The following B3GALNT2 variants were observed in gnomAD, a reference collection of about 807,000 sequenced individuals.
B3GALNT2 encodes the protein UDP-GalNAc:beta-1,3-N-acetylgalactosaminyltransferase 2.
In B3GALNT2, 53 loss-of-function variants were observed where a neutral mutation model predicts 61.1. The observed-to-expected ratio is 0.87, with a 90% CI of 0.70 to 1.09. B3GALNT2 has a LOEUF of 1.09. Ranked by LOEUF, B3GALNT2 falls within the 50% of genes least tolerant of loss-of-function variation. The probability of loss-of-function intolerance (pLI) is 0.00; values close to 1 mark genes in which losing one functional copy is unlikely to be tolerated. For missense variants in B3GALNT2, 544 were observed against 623.0 expected (o/e 0.87, Z 1.35); for synonymous variants, 223 against 237.4 (o/e 0.94, Z 0.56).
At chr1:235,443,012 C>T, downstream of B3GALNT2, 13 of 1,155,040 alleles carry the variant, frequency 1.1e-5, no homozygotes, top group Non-Finnish European at 1.5e-5. Context: ...AAAGTGTGGA[C>T]CTCAGAACTT....
chr1:235,499,426 T>C (rs1685487236), intron 1 of B3GALNT2, among the ~76,000 whole-genome samples: 1 of 152,228 alleles, frequency 6.6e-6, no homozygotes, highest in East Asian at 1.9e-4. Flanking sequence ...TTTTATTCTC[T>C]TGATTTATTC....
At chr1:235,494,223 G>C (rs1481760047) in intron 2 of B3GALNT2, among the ~76,000 whole-genome samples, 1 of 152,142 alleles carries the variant, frequency 6.6e-6, no homozygotes, top group Non-Finnish European at 1.5e-5. Flanking sequence ...AACCTTTTAA[G>C]AATTGCTATT....
downstream of B3GALNT2, among the ~76,000 whole-genome samples, chr1:235,445,037 A>G (rs1474550367): frequency 6.6e-6 from 1 of 152,244 alleles, no homozygotes; most frequent in Admixed American, 6.5e-5. Context: ...TTTTGGGAAC[A>G]CCCACTGCAT....
intron 6 of B3GALNT2, among the ~76,000 whole-genome samples, chr1:235,466,511 C>T (rs534376612): frequency 6.6e-6 from 1 of 152,076 alleles, no homozygotes; most frequent in Non-Finnish European, 1.5e-5. Flanking sequence ...CACCACCATG[C>T]CCAGCTAATA....
Position 235,480,169 on chromosome 1 carries a change from G to C in B3GALNT2, c.556-20C>G. ...GGCCTCCTACAAATTGGGAGAAAAA[G>C]ACAAGAAAAAATACTTCATGTTATA... On this transcript the variant is annotated intron_variant, in intron 4 of 11. Coordinates refer to ENST00000366600, the MANE Select transcript of B3GALNT2 (RefSeq NM_152490.5). The C allele has an allele frequency of 1.2e-6, 2 of 1,610,374 alleles. No individual in the cohort carries two copies. The highest frequency in any genetic ancestry group is 2.2e-5 in the South Asian group (2 of 90,442).
At chr1:235,479,905 T>G (rs1278106576) in intron 5 of B3GALNT2, 149 bp downstream of exon 5, 1 of 1,370,330 alleles carries the variant, frequency 7.3e-7, no homozygotes, top group Non-Finnish European at 9.7e-7. Context: ...GAGTGCTATG[T>G]TTTAGCCCAT....
In B3GALNT2 at chr1:235,448,944, A is replaced by G. The variant is rs1319762000; in HGVS notation, c.*1262T>C. The stretch of plus-strand genomic sequence containing the variant: ...ATTTCTAGGCTTATACATAATAGCA[A>G]TAATAAAGGCTTTGAACCTACTAAT... On this transcript the variant is annotated 3_prime_UTR_variant, in exon 12 of 12. Transcript: ENST00000366600. The G allele has an allele frequency of 3.4e-5, 19 of 563,986 alleles. No individual in the cohort carries two copies. The highest frequency in any genetic ancestry group is 2.0e-4 in the East Asian group (6 of 30,210). 34.9% of individuals were successfully genotyped at this position (563,986 alleles called of 1,614,324 possible).
At chr1:235,461,503 TC>T in intron 7 of B3GALNT2, among the ~76,000 whole-genome samples, 2 of 128,810 alleles carry the variant, frequency 1.6e-5, no homozygotes, top group Middle Eastern at 8.0e-3. Context: ...GTAGATGACC[TC>T]CTGTTTTTTT....
chr1:235,474,213 G>A (rs1015662549), intron 5 of B3GALNT2, among the ~76,000 whole-genome samples: 2 of 152,072 alleles, frequency 1.3e-5, no homozygotes, highest in Admixed American at 6.6e-5. Context: ...ATGAAGCCAG[G>A]TATCTCTTAA....
At chr1:235,494,920 T>G in intron 1 of B3GALNT2, 92 bp from the exon 2 acceptor site, 1 of 1,235,724 alleles carries the variant, frequency 8.1e-7, no homozygotes, top group Non-Finnish European at 1.1e-6. Flanking sequence ...AATAAGCTTA[T>G]GTTTGTAGGA....
At chr1:235,454,047 C>T in intron 10 of B3GALNT2, 109 bp downstream of exon 10, 1 of 1,037,368 alleles carries the variant, frequency 9.6e-7, no homozygotes, top group Non-Finnish European at 1.4e-6. Context: ...CTATGTTACC[C>T]AGGCTGGTCT....
At chr1:235,469,415 T>C (rs1338288033) in intron 6 of B3GALNT2, among the ~76,000 whole-genome samples, 1 of 152,252 alleles carries the variant, frequency 6.6e-6, no homozygotes, top group African/African-American at 2.4e-5. Context: ...ACCTGCTTTA[T>C]TGACCTATAT....
intron 7 of B3GALNT2, among the ~76,000 whole-genome samples, chr1:235,460,684 C>T (rs2102793775): frequency 6.6e-6 from 1 of 151,672 alleles, no homozygotes; most frequent in South Asian, 2.1e-4. Context: ...AGTGATCCTC[C>T]CACCTCAGCT....
Position 235,497,558 on chromosome 1 carries a change from T to C in B3GALNT2, c.113-2730A>G, listed in dbSNP as rs550775364. 2.4e-4 allele frequency among the ~76,000 whole-genome samples: 36 copies of C among 152,344 alleles called. 1 individual carries two copies. The South Asian group carries it at 6.6e-3, about 28-fold the overall frequency. The stretch of plus-strand genomic sequence containing the variant: ...GCACAAAAGCAAACTTTCAAAATAT[T>C]TGAAACATCACTTTTAATTCCAATA... On this transcript the variant is annotated intron_variant, in intron 1 of 11. Coordinates refer to ENST00000366600, the MANE Select transcript of B3GALNT2 (RefSeq NM_152490.5).
rs1041858201 is a variant in B3GALNT2, at chr1:235,447,937, C to T, written c.*2269G>A. ...GGGTAAAATGAAAGATACAGCCAGG[C>T]GCTGGGCTCATGCTTGTAATCCCAG... On this transcript the variant is annotated 3_prime_UTR_variant, in exon 12 of 12. Coordinates refer to ENST00000366600, the MANE Select transcript of B3GALNT2 (RefSeq NM_152490.5). Among the ~76,000 whole-genome samples, 5 of 152,082 alleles carry T rather than the reference C, an allele frequency of 3.3e-5. No homozygotes were observed. Among genetic ancestry groups the T allele is most frequent in the African/African-American group, 4.8e-5 (2 of 41,428 alleles).
intron 3 of B3GALNT2, 170 bp from the exon 4 acceptor site, chr1:235,484,685 A>T: frequency 8.0e-7 from 1 of 1,248,686 alleles, no homozygotes; most frequent in Non-Finnish European, 1.1e-6. Context: ...GCTTCTATAT[A>T]AACATTTTTG....
intron 1 of B3GALNT2, among the ~76,000 whole-genome samples, chr1:235,503,009 T>C (rs1370428781): frequency 6.6e-6 from 1 of 152,228 alleles, no homozygotes; most frequent in African/African-American, 2.4e-5. Flanking sequence ...CACAAATCCT[T>C]TTCAAAGAGC....
chr1:235,493,425 G>C (rs1201275452), intron 2 of B3GALNT2, among the ~76,000 whole-genome samples: 1 of 152,146 alleles, frequency 6.6e-6, no homozygotes, highest in East Asian at 1.9e-4. Flanking sequence ...ATGAACTAAA[G>C]AAACCTGTCT....
chr1:235,448,239 A>AAAAAGAC lies in B3GALNT2; in HGVS notation c.*1966_*1967insGTCTTTT, dbSNP rs1410453341. ...CAGTCTCAAAAAAAAAAAAAAAAAA[A>AAAAAGAC]AGACAGATACAGCTATCATTGCAAT... On this transcript the variant is annotated 3_prime_UTR_variant, in exon 12 of 12. Coordinates refer to ENST00000366600, the MANE Select transcript of B3GALNT2 (RefSeq NM_152490.5). The AAAAAGAC allele has an allele frequency of 4.7e-6, 4 of 843,126 alleles. No homozygotes were observed. Among genetic ancestry groups the AAAAAGAC allele is most frequent in the South Asian group, 3.0e-5 (2 of 65,748 alleles). 52.2% of individuals were successfully genotyped at this position (843,126 alleles called of 1,614,324 possible).
Sources: allele counts gnomAD v4.1 joint callset (sites outside exome capture counted in the v4.1 genomes callset), GRCh38; gene constraint gnomAD v4.1.1; transcripts MANE v1.5; gene names NCBI Gene and HGNC (gene_info 2026-07-23, HGNC 2026-07-21).